GLI2: variants seen among roughly 807,000 people sequenced by gnomAD.
GLI2 encodes GLI family zinc finger 2.
Under a neutral mutation model 78.9 loss-of-function variants are expected in GLI2, and 22 were observed. The ratio of observed to expected loss-of-function variants is 0.28; its 90% confidence interval spans 0.20 to 0.40. The LOEUF is 0.40. GLI2 is among the 10% of genes least tolerant of loss of function. The pLI, the probability that GLI2 is intolerant of heterozygous loss-of-function variation, is 1.00. For missense variants in GLI2, 2,097 were observed against 2,213.2 expected (o/e 0.95, Z 1.05); for synonymous variants, 974 against 963.7 (o/e 1.01, Z -0.20).
Position 120,978,474 on chromosome 2 carries a change from T to C in GLI2, c.1358T>C (p.Phe453Ser), listed in dbSNP as rs1367454614. The change falls in exon 10 of 14, where the codon TTT becomes TCT. Residue 453 changes from phenylalanine to serine, a missense_variant. Phe to Ser is a radical substitution (Grantham distance 155). Transcript: ENST00000361492. The part of the protein sequence containing the change: ...NEHIHGEKKE[F>S]VCRWQACTRE... Reference sequence around the variant, plus strand: ...CACATCCACGGGGAGAAGAAGGAGTTTGTGTGCCGCTGGCAGGCCTGCACG... The same window carrying C: ...CACATCCACGGGGAGAAGAAGGAGTCTGTGTGCCGCTGGCAGGCCTGCACG... 6 of 1,613,924 alleles carry C rather than the reference T, an allele frequency of 3.7e-6. No individual in the cohort carries two copies. Among genetic ancestry groups the C allele is most frequent in the Non-Finnish European group, 5.1e-6 (6 of 1,179,936 alleles).
At chr2:120,959,686 T>C (rs982832782) in intron 5 of GLI2, among the ~76,000 whole-genome samples, 2 of 151,532 alleles carry the variant, frequency 1.3e-5, no homozygotes, top group East Asian at 2.0e-4. Flanking sequence ...CCCCGGCCCC[T>C]CCCCTCCCGT....
chr2:120,754,152 T>C (rs549626560), intron 1 of GLI2, among the ~76,000 whole-genome samples: 34 of 152,262 alleles, frequency 2.2e-4, no homozygotes, highest in African/African-American at 7.7e-4. Flanking sequence ...TTTTGTACTT[T>C]AGACAGATAT....
In GLI2 at chr2:120,986,631, G is replaced by T. The variant is rs918326711; in HGVS notation, c.2242+17G>T. On this transcript the variant is annotated intron_variant, in intron 13 of 13. Transcript: ENST00000361492. ...CGGGAAGTGGTGAGTAAAGGCCTGG[G>T]GTTTGCAGATGGGGCAGAAGAGAGT... 1 of 1,609,722 alleles carries T rather than the reference G, an allele frequency of 6.2e-7. No homozygotes were observed. Among genetic ancestry groups the T allele is most frequent in the African/African-American group, 1.3e-5 (1 of 74,954 alleles).
At position 120,744,843 on chromosome 2, in the gene GLI2, A is replaced by C. The variant is rs190750951; in HGVS notation, c.-31+8558A>C. Among the ~76,000 whole-genome samples, 446 of 152,314 alleles carry C rather than the reference A, an allele frequency of 2.9e-3. 1 individual carries two copies. Among genetic ancestry groups the C allele is most frequent in the African/African-American group, 0.01 (433 of 41,570 alleles). Reference sequence around the variant, plus strand: ...TTGCAGAATCTTAGGTTCCCCAGGGAGAACCCATTGAATGAGAATTCCTGC... The same window carrying C: ...TTGCAGAATCTTAGGTTCCCCAGGGCGAACCCATTGAATGAGAATTCCTGC... On this transcript the variant is annotated intron_variant, in intron 1 of 13. Coordinates refer to ENST00000361492, the MANE Select transcript of GLI2 (RefSeq NM_001374353.1).
chr2:120,749,470 G>A (rs1183771600), intron 1 of GLI2, among the ~76,000 whole-genome samples: 1 of 152,186 alleles, frequency 6.6e-6, no homozygotes, highest in Non-Finnish European at 1.5e-5. Flanking sequence ...GAGATCTTAG[G>A]TGGGAGGCAG....
At chr2:120,965,247 C>A (rs1003811060) in intron 5 of GLI2, among the ~76,000 whole-genome samples, 8 of 150,952 alleles carry the variant, frequency 5.3e-5, no homozygotes, top group Non-Finnish European at 1.2e-4. Flanking sequence ...ACACTCCAGC[C>A]AGGATGCAGA....
intron 11 of GLI2, among the ~76,000 whole-genome samples, chr2:120,983,921 G>GT (rs1682832668): frequency 6.7e-6 from 1 of 149,350 alleles, no homozygotes; most frequent in Non-Finnish European, 1.5e-5. Context: ...GTAAGTGTAT[G>GT]TTTTTCTGTA....
At chr2:120,807,418 C>G (rs1333422103) in intron 2 of GLI2, among the ~76,000 whole-genome samples, 1 of 152,128 alleles carries the variant, frequency 6.6e-6, no homozygotes, top group Admixed American at 6.5e-5. Context: ...GGTAGTTCAG[C>G]TGTTAGTATT....
intron 2 of GLI2, among the ~76,000 whole-genome samples, chr2:120,878,191 C>T (rs1688854649): frequency 6.6e-6 from 1 of 152,184 alleles, no homozygotes; most frequent in Non-Finnish European, 1.5e-5. Context: ...TTTGTTCTTC[C>T]TTCAGCCACA....
chr2:120,815,108 A>C (rs183168512), intron 2 of GLI2, among the ~76,000 whole-genome samples: 1 of 152,286 alleles, frequency 6.6e-6, no homozygotes, highest in Admixed American at 6.5e-5. Context: ...AGCCTGATCT[A>C]TAACCAGTCA....
At chr2:120,883,926 C>T (rs1229540613) in intron 2 of GLI2, among the ~76,000 whole-genome samples, 1 of 152,196 alleles carries the variant, frequency 6.6e-6, no homozygotes, top group Non-Finnish European at 1.5e-5. Context: ...GTGCTCCAGA[C>T]CCCCGCAGCA....
chr2:120,977,012 T>C (rs1034423634), intron 9 of GLI2, among the ~76,000 whole-genome samples: 19 of 152,242 alleles, frequency 1.2e-4, no homozygotes, highest in Admixed American at 9.8e-4. Context: ...GAGGCTAATA[T>C]GATAAGATTT....
intron 2 of GLI2, among the ~76,000 whole-genome samples, chr2:120,814,522 G>T (rs997461699): frequency 6.6e-6 from 1 of 152,144 alleles, no homozygotes; most frequent in African/African-American, 2.4e-5. Flanking sequence ...TGGAGCAGGG[G>T]TCCCATCCTC....
intron 3 of GLI2, among the ~76,000 whole-genome samples, chr2:120,947,550 G>T (rs930226880): frequency 6.6e-6 from 1 of 152,204 alleles, no homozygotes; most frequent in African/African-American, 2.4e-5. Context: ...ACGATGGCCA[G>T]TGGGCCTGTC....
chr2:120,834,033 C>T (rs1686489197), intron 2 of GLI2, among the ~76,000 whole-genome samples: 1 of 152,190 alleles, frequency 6.6e-6, no homozygotes, highest in Admixed American at 6.5e-5. Flanking sequence ...TGCTGCACAG[C>T]TCTGGGGGTG....
At chr2:120,853,380 G>A (rs1017528930) in intron 2 of GLI2, among the ~76,000 whole-genome samples, 1 of 152,170 alleles carries the variant, frequency 6.6e-6, no homozygotes, top group Non-Finnish European at 1.5e-5. Context: ...AGGAGGTGTC[G>A]TGGAAGAGAA....
At chr2:120,829,485 TAGA>T (rs536991649) in intron 2 of GLI2, among the ~76,000 whole-genome samples, 3 of 152,206 alleles carry the variant, frequency 2.0e-5, no homozygotes, top group African/African-American at 4.8e-5. Context: ...ATTCGTCAAG[TAGA>T]AGGAGTTCCC....
intron 2 of GLI2, among the ~76,000 whole-genome samples, chr2:120,883,873 G>A (rs1004125210): frequency 7.9e-5 from 12 of 152,162 alleles, no homozygotes; most frequent in African/African-American, 2.7e-4. Context: ...CAGGCCTCTA[G>A]CCCCTATCTC....
At chr2:120,788,321 G>A (rs1215079882) in intron 1 of GLI2, among the ~76,000 whole-genome samples, 1 of 152,236 alleles carries the variant, frequency 6.6e-6, no homozygotes, top group African/African-American at 2.4e-5. Context: ...CTCTGGGAAG[G>A]AGGGTGTGAG....
Sources: gnomAD v4.1 joint callset for allele counts (sites outside exome capture counted in the v4.1 genomes callset) on GRCh38, gnomAD v4.1.1 for gene constraint, MANE v1.5 for transcripts, NCBI Gene and HGNC (gene_info 2026-07-23, HGNC 2026-07-21) for gene names.